ZFHX3: variants seen among roughly 807,000 people sequenced by gnomAD.
ZFHX3 encodes the protein zinc finger homeobox 3, also known as zinc finger homeobox protein 3.
Under a neutral mutation model 279.1 loss-of-function variants are expected in ZFHX3, and 42 were observed. The observed-to-expected ratio is 0.15, with a 90% CI of 0.12 to 0.19. The LOEUF (loss-of-function observed/expected upper bound fraction) is 0.19, where lower values mean the gene tolerates loss of function less well. ZFHX3 is among the 10% of genes least tolerant of loss of function. The pLI, the probability that ZFHX3 is intolerant of heterozygous loss-of-function variation, is 1.00. For synonymous variants in ZFHX3, 2,293 were observed against 1,957.8 expected (o/e 1.17, Z -4.52); for missense variants, 4,981 against 4,754.0 (o/e 1.05, Z -1.40).
At chr16:73,374,644 A>G (rs74028604) in intron 3 of ZFHX3, among the ~76,000 whole-genome samples, 6,074 of 152,320 alleles carry the variant, frequency 0.04, 318 homozygotes, top group African/African-American at 0.12. Context: ...TTAGGATCCA[A>G]TAATGTCCTT....
intron 2 of ZFHX3, among the ~76,000 whole-genome samples, chr16:73,500,848 A>G (rs2019227237): frequency 6.6e-6 from 1 of 152,228 alleles, no homozygotes; most frequent in Non-Finnish European, 1.5e-5. Flanking sequence ...TGAATATATT[A>G]TTGAAGAAAG....
chr16:73,611,928 T>C (rs1015339043), intron 2 of ZFHX3, among the ~76,000 whole-genome samples: 8 of 152,214 alleles, frequency 5.3e-5, no homozygotes, highest in Admixed American at 1.3e-4. Flanking sequence ...TCACAAGATG[T>C]GACAGGGTAT....
intron 2 of ZFHX3, among the ~76,000 whole-genome samples, chr16:73,514,282 C>G (rs1403382762): frequency 6.6e-6 from 1 of 151,990 alleles, no homozygotes. Flanking sequence ...GATATTGGAG[C>G]TACAAGAGCC....
At chr16:73,089,804 G>C (rs949775320) in intron 8 of ZFHX3, among the ~76,000 whole-genome samples, 2 of 152,212 alleles carry the variant, frequency 1.3e-5, no homozygotes, top group African/African-American at 4.8e-5. Flanking sequence ...AAGATTTGAA[G>C]ATTCCCCTAT....
intron 7 of ZFHX3, among the ~76,000 whole-genome samples, chr16:73,114,590 G>T (rs1966411325): frequency 6.6e-6 from 1 of 151,992 alleles, no homozygotes; most frequent in South Asian, 2.1e-4. Flanking sequence ...GAGCTGGGAG[G>T]ATCCCTTGAG....
chr16:73,841,275 A>C (rs1456611711), intron 1 of ZFHX3, among the ~76,000 whole-genome samples: 2 of 152,066 alleles, frequency 1.3e-5, no homozygotes, highest in Non-Finnish European at 2.9e-5. Context: ...CATCACAAGG[A>C]AAGTATTTAC....
rs545111829 is a variant in ZFHX3, at chr16:72,850,010, C to T, written c.3449-20151G>A. On this transcript the variant is annotated intron_variant, in intron 4 of 9. Transcript: ENST00000268489. ...CATAAGCTGAAAGAAAAGGTGGGAA[C>T]GGTCGGGGGACTGTCAGAGCAAACA... 2.4e-3 allele frequency among the ~76,000 whole-genome samples: 370 copies of T among 151,510 alleles called. 1 individual carries two copies. The highest frequency in any genetic ancestry group is 4.7e-3 in the Admixed American group (71 of 15,198).
intron 2 of ZFHX3, among the ~76,000 whole-genome samples, chr16:73,612,701 C>A (rs1275606980): frequency 6.6e-6 from 1 of 152,038 alleles, no homozygotes; most frequent in African/African-American, 2.4e-5. Context: ...TATCAGTGAT[C>A]AGAAAACAAG....
At chr16:73,868,021 C>T (rs187260524) in intron 1 of ZFHX3, among the ~76,000 whole-genome samples, 9 of 152,324 alleles carry the variant, frequency 5.9e-5, no homozygotes, top group Admixed American at 3.9e-4. Context: ...CTCCAGCCCT[C>T]GGAGCTCCCT....
intron 4 of ZFHX3, among the ~76,000 whole-genome samples, chr16:73,313,173 A>G (rs1275075782): frequency 6.6e-6 from 1 of 152,164 alleles, no homozygotes; most frequent in African/African-American, 2.4e-5. Context: ...GCTCCGCCAT[A>G]TTAAGACATG....
At chr16:73,111,634 AAG>A (rs1016852929) in intron 7 of ZFHX3, among the ~76,000 whole-genome samples, 1 of 130,416 alleles carries the variant, frequency 7.7e-6, no homozygotes, top group African/African-American at 2.9e-5. Context: ...AGAGAGAAAG[AAG>A]AGAGAGAAAG....
intron 2 of ZFHX3, among the ~76,000 whole-genome samples, chr16:73,497,401 G>T (rs2019159983): frequency 6.6e-6 from 1 of 152,250 alleles, no homozygotes; most frequent in African/African-American, 2.4e-5. Context: ...AGGTGCAGTG[G>T]CTCACGCCTG....
chr16:73,071,483 G>T (rs549521421), intron 8 of ZFHX3, among the ~76,000 whole-genome samples: 1 of 151,956 alleles, frequency 6.6e-6, no homozygotes, highest in African/African-American at 2.4e-5. Context: ...TGCTGCCGCC[G>T]CCGCCGCCGC....
In ZFHX3 at chr16:73,387,801, G is replaced by C. The variant is rs965147509; in HGVS notation, c.-1291+68202C>G. Among the ~76,000 whole-genome samples the C allele has an allele frequency of 3.3e-5, 5 of 152,058 alleles. No homozygotes were observed. In the Middle Eastern group the frequency reaches 0.01, roughly 312 times the overall value. On this transcript the variant is annotated intron_variant, in intron 3 of 17. Transcript: ENST00000641206. ...CGCACATAAACACCCACTGCTTTTGGTGTGGTACTTACTGTTCCTTGTTGG... is the reference window on the plus strand; with the variant it reads ...CGCACATAAACACCCACTGCTTTTGCTGTGGTACTTACTGTTCCTTGTTGG...
chr16:73,631,246 G>A (rs1314901312), intron 2 of ZFHX3, among the ~76,000 whole-genome samples: 2 of 152,164 alleles, frequency 1.3e-5, no homozygotes, highest in African/African-American at 4.8e-5. Flanking sequence ...AATACCCAGT[G>A]TTACCTGAGA....
At chr16:73,494,121 C>T (rs559576697) in intron 2 of ZFHX3, among the ~76,000 whole-genome samples, 7 of 152,096 alleles carry the variant, frequency 4.6e-5, no homozygotes, top group Admixed American at 6.6e-5. Flanking sequence ...GCAGTTGGCA[C>T]GACTGCAAGT....
Position 73,191,292 on chromosome 16 carries a change from C to T in ZFHX3, c.-1103-47461G>A, listed in dbSNP as rs189540540. Reference sequence around the variant, plus strand: ...GCTCTGATGTCTGTGTTGAACGTTCCGTGGCTCCCCCCGGCCGCCCCAGCA... The same window carrying T: ...GCTCTGATGTCTGTGTTGAACGTTCTGTGGCTCCCCCCGGCCGCCCCAGCA... On this transcript the variant is annotated intron_variant, in intron 5 of 17. Transcript: ENST00000641206. Among the ~76,000 whole-genome samples, 41 of 152,130 alleles carry T rather than the reference C, an allele frequency of 2.7e-4. 1 individual carries two copies. The East Asian group carries it at 7.4e-3, about 27-fold the overall frequency.
chr16:73,295,610 C>T (rs546609036), intron 4 of ZFHX3, among the ~76,000 whole-genome samples: 8 of 152,152 alleles, frequency 5.3e-5, no homozygotes, highest in Admixed American at 1.3e-4. Context: ...AGAACGTTTA[C>T]GATGTCAGCA....
At chr16:73,734,182 C>T (rs1434869561) in intron 1 of ZFHX3, among the ~76,000 whole-genome samples, 3 of 152,146 alleles carry the variant, frequency 2.0e-5, no homozygotes, top group African/African-American at 4.8e-5. Context: ...GCTGGCTTCA[C>T]CCACCCTCCC....
Sources: allele counts gnomAD v4.1 joint callset (sites outside exome capture counted in the v4.1 genomes callset), GRCh38; gene constraint gnomAD v4.1.1; transcripts MANE v1.5; gene names NCBI Gene and HGNC (gene_info 2026-07-23, HGNC 2026-07-21).